The following CFAP47 variants were observed in gnomAD, a reference collection of about 807,000 sequenced individuals.
CFAP47 encodes the protein cilia and flagella associated protein 47.
CFAP47 carries 29 observed loss-of-function variants against 148.1 expected under a neutral mutation model. That is an observed-to-expected ratio of 0.20 (90% confidence interval 0.15 to 0.27). The LOEUF (loss-of-function observed/expected upper bound fraction) is 0.27. Among genes scored for constraint, CFAP47 ranks in the 10% least tolerant of loss-of-function variants. The pLI is 1.00. For synonymous variants in CFAP47, 664 were observed against 577.3 expected (o/e 1.15, Z -2.15); for missense variants, 1,872 against 1,697.5 (o/e 1.10, Z -1.81).
chrX:35,945,406 C>T (rs972706858), intron 3 of CFAP47, among the ~76,000 whole-genome samples: 3 of 111,210 alleles, frequency 2.7e-5, no homozygotes, highest in African/African-American at 9.8e-5. Context: ...AGGTACTCTC[C>T]TTGGACCATC....
chrX:36,247,590 A>C (rs1434882159), intron 48 of CFAP47, among the ~76,000 whole-genome samples: 1 of 111,566 alleles, frequency 9.0e-6, no homozygotes, highest in Non-Finnish European at 1.9e-5. Flanking sequence ...AAATTAAGTT[A>C]GAATTATTAC....
rs1351645123 is a variant in CFAP47 at position 36,172,220 on chromosome X, G to C, written c.6027-7125G>C. 3.6e-3 allele frequency among the ~76,000 whole-genome samples: 357 copies of C among 98,436 alleles called. 4 individuals carry two copies. The highest frequency in any genetic ancestry group is 0.012 in the African/African-American group (348 of 28,258). The allele number at this position is 98,436 out of a possible 115,157, so 85.5% of individuals were successfully genotyped here. A position where few individuals can be genotyped will look rare whatever the true frequency, so the allele number is the denominator to read the frequency against. ...TGGGCTGAGACAATGGGGTTTTCTAGATATACAATCATGTCATCTGCAAAC... is the reference window on the plus strand; with the variant it reads ...TGGGCTGAGACAATGGGGTTTTCTACATATACAATCATGTCATCTGCAAAC... On this transcript the variant is annotated intron_variant, in intron 39 of 63. Transcript: ENST00000378653.
intron 37 of CFAP47, among the ~76,000 whole-genome samples, chrX:36,153,369 C>T (rs997152766): frequency 1.8e-5 from 2 of 112,139 alleles, no homozygotes; most frequent in Non-Finnish European, 3.8e-5. Flanking sequence ...CACTGGTGGT[C>T]CTGCCCCCGA....
intron 57 of CFAP47, among the ~76,000 whole-genome samples, chrX:36,330,803 A>G (rs1348330395): frequency 2.7e-5 from 3 of 111,645 alleles, no homozygotes; most frequent in Admixed American, 9.5e-5. Flanking sequence ...TGTCTGTGCC[A>G]CCATCTAAAG....
intron 26 of CFAP47, among the ~76,000 whole-genome samples, chrX:36,051,216 C>T (rs1293575297): frequency 9.0e-6 from 1 of 111,055 alleles, no homozygotes; most frequent in African/African-American, 3.3e-5. Flanking sequence ...CCACCATCCT[C>T]CAGACCCCAG....
At chrX:36,346,793 T>G (rs1028457561) in intron 57 of CFAP47, among the ~76,000 whole-genome samples, 1 of 111,599 alleles carries the variant, frequency 9.0e-6, no homozygotes, top group Non-Finnish European at 1.9e-5. Flanking sequence ...AAAATGTGTC[T>G]TTTAAAAAGA....
intron 49 of CFAP47, among the ~76,000 whole-genome samples, chrX:36,274,153 A>C (rs1556002263): frequency 8.9e-6 from 1 of 112,067 alleles, no homozygotes; most frequent in Non-Finnish European, 1.9e-5. Flanking sequence ...ATGAATGCCC[A>C]ATTTCTATTT....
Position 35,966,550 on chromosome X carries a change from A to AT in CFAP47, c.1411-14dup. ...ACCAATTTATTATTGGTTACTTTTC[A>AT]TCTTTTTTTTTTAGGATGTGATGTG... On this transcript the variant is annotated splice_polypyrimidine_tract_variant and intron_variant, in intron 8 of 63. Transcript: ENST00000378653. 1.0e-6 allele frequency: 1 copy of AT among 992,334 alleles called. No homozygotes were observed. Among genetic ancestry groups the AT allele is most frequent in the Non-Finnish European group, 1.3e-6 (1 of 770,688 alleles). 81.8% of individuals were successfully genotyped at this position (992,334 alleles called of 1,213,427 possible). A position where few individuals can be genotyped will look rare whatever the true frequency, so the allele number is the denominator to read the frequency against.
chrX:36,357,912 CT>C (rs1556018677), intron 60 of CFAP47, among the ~76,000 whole-genome samples: 1 of 111,430 alleles, frequency 9.0e-6, no homozygotes, highest in Non-Finnish European at 1.9e-5. Flanking sequence ...TGTCTTTTTT[CT>C]GTGTGATGTT....
rs1162960732 is a variant in CFAP47 at position 36,350,054 on chromosome X, A to G, written c.8620A>G (p.Ser2874Gly). The G allele has an allele frequency of 8.7e-7, 1 of 1,153,649 alleles. No homozygotes were observed. Among genetic ancestry groups the G allele is most frequent in the South Asian group, 1.9e-5 (1 of 51,687 alleles). The change falls in exon 59 of 64, where the codon AGC becomes GGC. Residue 2874 changes from serine to glycine, a missense_variant. Physicochemically the swap from Ser to Gly is moderately conservative, Grantham distance 56. Coordinates refer to ENST00000378653, the MANE Select transcript of CFAP47 (RefSeq NM_001304548.2). ...TCTAATTAGTATTGTGGGAATCGACAGCGAAGAAATCCAAGCAATACACTG... is the reference window on the plus strand; with the variant it reads ...TCTAATTAGTATTGTGGGAATCGACGGCGAAGAAATCCAAGCAATACACTG... ...IKFKSIVGID[S>G]EEIQAIHWIY...
chrX:36,126,483 A>T lies in CFAP47; in HGVS notation c.5321-11475A>T, dbSNP rs1026054921. The stretch of plus-strand genomic sequence containing the variant: ...TATGTATATGTGCCACATTTTCTTT[A>T]TCCAGTCTATTATTGATGGACATTT... On this transcript the variant is annotated intron_variant, in intron 33 of 63. Transcript: ENST00000378653. Among the ~76,000 whole-genome samples, 3 of 111,468 alleles carry T rather than the reference A, an allele frequency of 2.7e-5. No homozygotes were observed. In the East Asian group the frequency reaches 8.5e-4, roughly 32 times the overall value.
intron 48 of CFAP47, among the ~76,000 whole-genome samples, chrX:36,238,468 T>C (rs1172660561): frequency 8.9e-6 from 1 of 111,925 alleles, no homozygotes; most frequent in Non-Finnish European, 1.9e-5. Context: ...ATTATCCTCA[T>C]ATCACCTATG....
intron 48 of CFAP47, among the ~76,000 whole-genome samples, chrX:36,248,427 TATATA>T (rs1188140035): frequency 1.5e-3 from 157 of 104,869 alleles, no homozygotes; most frequent in African/African-American, 5.0e-3. Context: ...ATATATTTGA[TATATA>T]ATATAATTTT....
chrX:36,283,324 A>C (rs930511425), intron 50 of CFAP47, among the ~76,000 whole-genome samples: 12 of 111,138 alleles, frequency 1.1e-4, no homozygotes, highest in Non-Finnish European at 1.7e-4. Context: ...CACCAATCCC[A>C]CTCTAATCAA....
At chrX:36,054,104 C>A (rs1257537810) in intron 26 of CFAP47, among the ~76,000 whole-genome samples, 1 of 112,167 alleles carries the variant, frequency 8.9e-6, no homozygotes, top group Non-Finnish European at 1.9e-5. Flanking sequence ...GAGCACCTTC[C>A]TGGTTGCTGT....
chrX:35,982,619 TG>T (rs1936661888), intron 15 of CFAP47, among the ~76,000 whole-genome samples: 1 of 111,626 alleles, frequency 9.0e-6, no homozygotes, highest in Non-Finnish European at 1.9e-5. Flanking sequence ...TAAGGCATCT[TG>T]AGTTGATTTT....
chrX:36,138,992 A>G (rs1157535244), intron 35 of CFAP47, among the ~76,000 whole-genome samples: 1 of 111,691 alleles, frequency 9.0e-6, no homozygotes, highest in African/African-American at 3.2e-5. Flanking sequence ...TTACTATTTT[A>G]TGAGCCTTTT....
intron 40 of CFAP47, among the ~76,000 whole-genome samples, chrX:36,187,263 C>T (rs1002027285): frequency 2.7e-5 from 3 of 112,029 alleles, no homozygotes; most frequent in Non-Finnish European, 5.6e-5. Flanking sequence ...GTTTGAGAGT[C>T]TCTTTTTGGG....
intron 60 of CFAP47, among the ~76,000 whole-genome samples, chrX:36,358,174 A>G (rs782729617): frequency 4.5e-5 from 5 of 111,756 alleles, no homozygotes; most frequent in Non-Finnish European, 9.4e-5. Flanking sequence ...TTACTCTAAT[A>G]GGATTAACCT....
Sources: allele counts gnomAD v4.1 joint callset (sites outside exome capture counted in the v4.1 genomes callset), GRCh38; gene constraint gnomAD v4.1.1; transcripts MANE v1.5; gene names NCBI Gene and HGNC (gene_info 2026-07-23, HGNC 2026-07-21).